Variants in TRHDE observed in about 807,000 individuals in gnomAD.
TRHDE encodes the protein thyrotropin-releasing hormone-degrading ectoenzyme.
TRHDE carries 72 observed loss-of-function variants against 125.7 expected under a neutral mutation model. The observed-to-expected ratio is 0.57, with a 90% CI of 0.47 to 0.70. TRHDE has a LOEUF of 0.70. Among genes scored for constraint, TRHDE ranks in the 30% least tolerant of loss-of-function variants. The pLI, the probability that TRHDE is intolerant of heterozygous loss-of-function variation, is 0.00. For synonymous variants in TRHDE, 509 were observed against 509.1 expected (o/e 1.00, Z 0.00); for missense variants, 1,110 against 1,327.1 (o/e 0.84, Z 2.54).
At chr12:72,296,749 A>T (rs1880315751) in intron 2 of TRHDE, among the ~76,000 whole-genome samples, 1 of 152,182 alleles carries the variant, frequency 6.6e-6, no homozygotes, top group Non-Finnish European at 1.5e-5. Context: ...TTAAGAAGTT[A>T]AAAAGAAAAG....
chr12:72,087,793 A>C (rs1044057602), intron 1 of TRHDE, among the ~76,000 whole-genome samples: 14 of 152,118 alleles, frequency 9.2e-5, no homozygotes, highest in Non-Finnish European at 1.8e-4. Flanking sequence ...ATTGCTCAGC[A>C]ATACTGGAAG....
In TRHDE at chr12:72,667,684, A is replaced by G. The variant is rs1254299028; in HGVS notation, c.*4489A>G. 2 of 151,790 alleles carry G rather than the reference A, an allele frequency of 1.3e-5. No homozygotes were observed. Among genetic ancestry groups the G allele is most frequent in the African/African-American group, 2.4e-5 (1 of 41,420 alleles). The allele number at this position is 151,790 out of a possible 1,614,324, so 9.4% of individuals were successfully genotyped here. A position where few individuals can be genotyped will look rare whatever the true frequency, so the allele number is the denominator to read the frequency against. The stretch of plus-strand genomic sequence containing the variant: ...CAACTATTTTTGTACACTAGTTCTC[A>G]AAACATTTATGATACCTAGTATAAT... On this transcript the variant is annotated 3_prime_UTR_variant, in exon 19 of 19. Coordinates refer to ENST00000261180, the MANE Select transcript of TRHDE (RefSeq NM_013381.3).
chr12:72,590,458 ACTAT>A (rs74262441), intron 12 of TRHDE, among the ~76,000 whole-genome samples: 1,747 of 152,064 alleles, frequency 0.011, 14 homozygotes, highest in Non-Finnish European at 0.017. Flanking sequence ...TCATTTGGAA[ACTAT>A]CTAGTTCTCA....
chr12:72,270,357 A>G (rs1016233174), upstream of TRHDE, among the ~76,000 whole-genome samples: 1 of 152,242 alleles, frequency 6.6e-6, no homozygotes, highest in Admixed American at 6.5e-5. Flanking sequence ...TTTAGAATGC[A>G]TGGCATTGAG....
chr12:72,110,622 C>G (rs1412752488), intron 2 of TRHDE, among the ~76,000 whole-genome samples: 7 of 152,112 alleles, frequency 4.6e-5, no homozygotes, highest in South Asian at 2.1e-4. Flanking sequence ...TATCGAATAT[C>G]TTAGATTAAA....
chr12:72,089,934 T>C lies in TRHDE; in HGVS notation n.174+2495T>C, dbSNP rs1874753106. On this transcript the variant is annotated intron_variant and non_coding_transcript_variant, in intron 1 of 4. Coordinates refer to the TRHDE transcript ENST00000548156. ...TTGAGTAAATAAAACAATGAATAGA[T>C]GATGGATGACTAAAGATAATTTTTA... Among the ~76,000 whole-genome samples, 3 of 152,178 alleles carry C rather than the reference T, an allele frequency of 2.0e-5. No individual in the cohort carries two copies. In the South Asian group the frequency reaches 6.2e-4, roughly 32 times the overall value.
chr12:72,224,150 GTA>G (rs1878069745), intron 2 of TRHDE, among the ~76,000 whole-genome samples: 1 of 86,130 alleles, frequency 1.2e-5, no homozygotes, highest in African/African-American at 4.4e-5. Flanking sequence ...ATTTATCTAT[GTA>G]TGTATGTATG....
At chr12:72,491,762 T>A (rs1307343966) in intron 5 of TRHDE, among the ~76,000 whole-genome samples, 1 of 151,974 alleles carries the variant, frequency 6.6e-6, no homozygotes, top group Non-Finnish European at 1.5e-5. Flanking sequence ...TAATCGCTTT[T>A]TAAGTTTATG....
At chr12:72,244,497 TAA>T (rs1256793358) in intron 2 of TRHDE, among the ~76,000 whole-genome samples, 4 of 152,084 alleles carry the variant, frequency 2.6e-5, no homozygotes, top group Non-Finnish European at 5.9e-5. Flanking sequence ...ATCATTTCAA[TAA>T]GAGACAAATT....
At chr12:72,502,058 C>G (rs1018193657) in intron 6 of TRHDE, among the ~76,000 whole-genome samples, 1 of 151,896 alleles carries the variant, frequency 6.6e-6, no homozygotes, top group Non-Finnish European at 1.5e-5. Context: ...GTGTATTATT[C>G]CTTTTTTTGT....
At chr12:72,233,488 G>C (rs1878285709) in intron 2 of TRHDE, among the ~76,000 whole-genome samples, 1 of 152,110 alleles carries the variant, frequency 6.6e-6, no homozygotes, top group Admixed American at 6.6e-5. Flanking sequence ...TTGCAAGATG[G>C]TCTTAGGTAA....
intron 6 of TRHDE, among the ~76,000 whole-genome samples, chr12:72,503,758 G>T (rs570005286): frequency 2.6e-4 from 40 of 152,212 alleles, no homozygotes; most frequent in Non-Finnish European, 5.3e-4. Context: ...TCTCATACGG[G>T]CCTCAATCTT....
chr12:72,324,386 G>A (rs1186867189), intron 2 of TRHDE, among the ~76,000 whole-genome samples: 2 of 152,100 alleles, frequency 1.3e-5, no homozygotes, highest in Non-Finnish European at 2.9e-5. Flanking sequence ...TTCCAGAGGA[G>A]GGGAGGTGCA....
chr12:72,650,069 A>G (rs1053706841), intron 15 of TRHDE, among the ~76,000 whole-genome samples: 1 of 152,136 alleles, frequency 6.6e-6, no homozygotes, highest in African/African-American at 2.4e-5. Context: ...TCAAAAACAT[A>G]TTAGCATTCC....
intron 2 of TRHDE, among the ~76,000 whole-genome samples, chr12:72,359,664 G>A (rs1403405435): frequency 2.0e-5 from 3 of 151,604 alleles, no homozygotes; most frequent in Non-Finnish European, 4.4e-5. Flanking sequence ...ATAATCAAGA[G>A]ATATTATTCC....
At chr12:72,296,829 A>T (rs2135680855) in intron 2 of TRHDE, among the ~76,000 whole-genome samples, 1 of 152,258 alleles carries the variant, frequency 6.6e-6, no homozygotes, top group South Asian at 2.1e-4. Context: ...TCTATTACAG[A>T]GTGAGTGTAG....
At chr12:72,362,442 C>T (rs1481480936) in intron 2 of TRHDE, among the ~76,000 whole-genome samples, 18 of 151,674 alleles carry the variant, frequency 1.2e-4, no homozygotes, top group Admixed American at 7.2e-4. Context: ...TGTTTGAGTT[C>T]ATTGTAGATT....
At chr12:72,542,537 CA>C (rs1242571499) in intron 7 of TRHDE, among the ~76,000 whole-genome samples, 181 bp downstream of exon 7, 2 of 151,422 alleles carry the variant, frequency 1.3e-5, no homozygotes, top group Non-Finnish European at 3.0e-5. Context: ...TATCAACTGA[CA>C]AAACTTGAAC....
chr12:72,396,318 A>T (rs1165440581), intron 3 of TRHDE, among the ~76,000 whole-genome samples: 3 of 152,002 alleles, frequency 2.0e-5, no homozygotes, highest in Non-Finnish European at 2.9e-5. Context: ...ACCTCCCATT[A>T]TCCTTTGAGC....
Sources: gnomAD v4.1 joint callset for allele counts (sites outside exome capture counted in the v4.1 genomes callset) on GRCh38, gnomAD v4.1.1 for gene constraint, MANE v1.5 for transcripts, NCBI Gene and HGNC (gene_info 2026-07-23, HGNC 2026-07-21) for gene names.